Variants in GPC1 observed in about 807,000 individuals in gnomAD.
GPC1 encodes the protein glypican 1.
Under a neutral mutation model 51.5 loss-of-function variants are expected in GPC1, and 26 were observed. The ratio of observed to expected loss-of-function variants is 0.50; its 90% CI spans 0.37 to 0.70. GPC1 has a LOEUF of 0.70. Among genes scored for constraint, GPC1 ranks in the 30% least tolerant of loss-of-function variants. The probability of loss-of-function intolerance (pLI) is 0.00; values close to 1 mark genes in which losing one functional copy is unlikely to be tolerated. For synonymous variants in GPC1, 380 were observed against 348.3 expected (o/e 1.09, Z -1.01); for missense variants, 775 against 800.5 (o/e 0.97, Z 0.38).
At chr2:240,446,348 A>G (rs2074050562) in intron 1 of GPC1, among the ~76,000 whole-genome samples, 1 of 152,260 alleles carries the variant, frequency 6.6e-6, no homozygotes, top group African/African-American at 2.4e-5. Context: ...ACGCAGCTGC[A>G]GACAGAGCCC....
intron 1 of GPC1, chr2:240,456,527 C>G (rs867355003): frequency 2.2e-6 from 1 of 453,724 alleles, no homozygotes; most frequent in South Asian, 1.6e-5. Flanking sequence ...GGTGTGTCAC[C>G]GGGAAGCTCA....
At chr2:240,446,518 C>A (rs1361179740) in intron 1 of GPC1, among the ~76,000 whole-genome samples, 1 of 152,226 alleles carries the variant, frequency 6.6e-6, no homozygotes, top group African/African-American at 2.4e-5. Context: ...AGGTTTGCAA[C>A]CACTCACCCA....
chr2:240,442,131 T>C (rs10211061), intron 1 of GPC1, among the ~76,000 whole-genome samples: 86,549 of 152,078 alleles, frequency 0.57, 25,229 homozygotes, highest in Non-Finnish European at 0.63. Context: ...CCCTCCACGG[T>C]GTCCTCCCTG....
chr2:240,456,095 G>T (rs146184685), intron 1 of GPC1: 2 of 300,964 alleles, frequency 6.6e-6, no homozygotes, highest in Non-Finnish European at 1.3e-5. Context: ...CTGGAACAAC[G>T]CAGGTCGCCG....
rs368594383 is a variant in GPC1 at position 240,463,531 on chromosome 2, G to C, written c.883+19G>C. The C allele has an allele frequency of 6.2e-7, 1 of 1,610,456 alleles. No individual in the cohort carries two copies. Among genetic ancestry groups the C allele is most frequent in the African/African-American group, 1.3e-5 (1 of 75,014 alleles). On this transcript the variant is annotated intron_variant, in intron 4 of 8. Coordinates refer to ENST00000264039, the MANE Select transcript of GPC1 (RefSeq NM_002081.3). ...CTCCTGGGTGAGCCCCCACCCGCGA[G>C]AGCGGCCTGGAACTGTCTTGGGGAG...
At chr2:240,458,690 C>T in intron 1 of GPC1, 2 of 264,258 alleles carry the variant, frequency 7.6e-6, no homozygotes, top group Non-Finnish European at 1.4e-5. Flanking sequence ...GGCCTGGGAG[C>T]CTTCTCCACA....
chr2:240,458,820 G>A (rs1424349753), intron 1 of GPC1: 17 of 563,790 alleles, frequency 3.0e-5, no homozygotes, highest in East Asian at 2.0e-4. Context: ...CTTGTGTCAC[G>A]TGTGGGAAGC....
In GPC1 at chr2:240,459,110, G is replaced by T. The variant is rs1338622780; in HGVS notation, c.247G>T (p.Ala83Ser). The T allele has an allele frequency of 6.2e-7, 1 of 1,612,850 alleles. No homozygotes were observed. Among genetic ancestry groups the T allele is most frequent in the Non-Finnish European group, 8.5e-7 (1 of 1,179,920 alleles). ...GGAGAACCTGGCCAACCGCAGCCAT[G>T]CCGAGCTGGAGACCGCGCTCCGGGA... ...MEENLANRSH[A>S]ELETALRDSS... Residue 83 changes from alanine (A) to serine (S), a missense_variant, in exon 2 of 9, where the codon GCC (alanine) becomes TCC (serine). Coordinates refer to ENST00000264039, the MANE Select transcript of GPC1 (RefSeq NM_002081.3).
In GPC1 at chr2:240,444,368, C is replaced by T. The variant is rs138846630; in HGVS notation, c.166+8284C>T. ...TACTGAGAAACTTGGCTGGGGCTTC[C>T]GGGGACTCCCAAATCCAGCCGCCCA... On this transcript the variant is annotated intron_variant, in intron 1 of 8. Transcript: ENST00000264039. Among the ~76,000 whole-genome samples, 6 of 152,310 alleles carry T rather than the reference C, an allele frequency of 3.9e-5. No homozygotes were observed. The East Asian group carries it at 5.8e-4, about 15-fold the overall frequency.
chr2:240,445,262 T>C (rs1014718540), intron 1 of GPC1, among the ~76,000 whole-genome samples: 43 of 152,288 alleles, frequency 2.8e-4, no homozygotes, highest in African/African-American at 8.9e-4. Context: ...GAGGGGTGGC[T>C]GCAGGTCAGA....
intron 1 of GPC1, chr2:240,450,860 A>C (rs1227343150): frequency 2.2e-6 from 1 of 449,730 alleles, no homozygotes; most frequent in Non-Finnish European, 4.6e-6. Flanking sequence ...CTCCCCTGGC[A>C]GAGGTTCCCT....
chr2:240,456,047 C>A (rs983871621), intron 1 of GPC1: 1 of 413,062 alleles, frequency 2.4e-6, no homozygotes, highest in Non-Finnish European at 4.9e-6. Flanking sequence ...CGTGCTTGTC[C>A]GAGGAGGGAG....
rs2074222660 is a variant in GPC1 at position 240,462,281 on chromosome 2, GGGCC to G, written c.417_420del (p.Arg139SerfsTer112). The G allele has an allele frequency of 6.2e-7, 1 of 1,609,428 alleles. No homozygotes were observed. Among genetic ancestry groups the G allele is most frequent in the Non-Finnish European group, 8.5e-7 (1 of 1,178,588 alleles). ...GGAGAGCTGTACACGCAGAACGCGAGGGCCTTCCGGGACCTGTACTCAGAGCTGC... is the reference window on the plus strand; with the variant it reads ...GGAGAGCTGTACACGCAGAACGCGAGTTCCGGGACCTGTACTCAGAGCTGC... On this transcript the variant is annotated frameshift_variant, in exon 3 of 9. Transcript: ENST00000264039. LOFTEE classifies it high-confidence loss of function.
rs369558273 is a variant in GPC1 at position 240,456,126 on chromosome 2, C to T, written c.167-2904C>T. On this transcript the variant is annotated intron_variant, in intron 1 of 8. Coordinates refer to ENST00000264039, the MANE Select transcript of GPC1 (RefSeq NM_002081.3). ...CGCCGGGCCGGCTGGGCGAGTTGGC[C>T]GGGCGGGGCTGAGGGGTCGGCGGGG... 2.7e-4 allele frequency: 75 copies of T among 274,466 alleles called. No homozygotes were observed. In the East Asian group the frequency reaches 5.1e-3, roughly 18 times the overall value. The allele number at this position is 274,466 out of a possible 1,614,324, so 17.0% of individuals were successfully genotyped here. A position where few individuals can be genotyped will look rare whatever the true frequency, so the allele number is the denominator to read the frequency against.
rs2074234729 is a variant in GPC1, at chr2:240,463,497, T to G, written c.868T>G (p.Trp290Gly). ...CAACCAGGCCGACCTGGACGCCGAGTGGAGGAACCTCCTGGGTGAGCCCCC... is the reference window on the plus strand; with the variant it reads ...CAACCAGGCCGACCTGGACGCCGAGGGGAGGAACCTCCTGGGTGAGCCCCC... ...LANQADLDAEWRNLLDSMVLI... is the reference protein window; with the variant it reads ...LANQADLDAEGRNLLDSMVLI... Residue 290 changes from tryptophan to glycine, a missense_variant, in exon 4 of 9, where the codon TGG (tryptophan) becomes GGG (glycine). Physicochemically the swap from Trp to Gly is radical, Grantham distance 184. Transcript: ENST00000264039. 4.3e-6 allele frequency: 7 copies of G among 1,612,836 alleles called. No individual in the cohort carries two copies. Among genetic ancestry groups the G allele is most frequent in the Non-Finnish European group, 5.9e-6 (7 of 1,179,910 alleles).
At chr2:240,458,861 TC>T (rs1333781028) in intron 1 of GPC1, 168 bp from the exon 2 acceptor site, 1 of 603,302 alleles carries the variant, frequency 1.7e-6, no homozygotes, top group Admixed American at 3.0e-5. Context: ...TTTTCCTCCC[TC>T]CACACCCCGA....
rs764467923 is a variant in GPC1, at chr2:240,464,837, C to T, written c.1015-19C>T. 3.8e-6 allele frequency: 6 copies of T among 1,560,824 alleles called. No individual in the cohort carries two copies. In the East Asian group the frequency reaches 1.2e-4, roughly 31 times the overall value. On this transcript the variant is annotated intron_variant, in intron 5 of 8. Coordinates refer to ENST00000264039, the MANE Select transcript of GPC1 (RefSeq NM_002081.3). Reference sequence around the variant, plus strand: ...GAGGGGCCCCACTACCCCCCAAGGACCCTGCAGTGTCTCTCCAGGTCATCC... The same window carrying T: ...GAGGGGCCCCACTACCCCCCAAGGATCCTGCAGTGTCTCTCCAGGTCATCC...
At chr2:240,456,673 C>A (rs1269278903) in intron 1 of GPC1, 1 of 469,766 alleles carries the variant, frequency 2.1e-6, no homozygotes, top group African/African-American at 2.0e-5. Context: ...TCACAGCCCA[C>A]ACCCTCGGAG....
At chr2:240,449,715 C>T in intron 1 of GPC1, 1 of 407,298 alleles carries the variant, frequency 2.5e-6, no homozygotes, top group Non-Finnish European at 5.0e-6. Flanking sequence ...TCCCCATTTC[C>T]CCTCTCCACC....
Sources: allele counts gnomAD v4.1 joint callset (sites outside exome capture counted in the v4.1 genomes callset), GRCh38; gene constraint gnomAD v4.1.1; transcripts MANE v1.5; gene names NCBI Gene and HGNC (gene_info 2026-07-23, HGNC 2026-07-21).